RBM24: variants seen among roughly 807,000 people sequenced by gnomAD.
RBM24 encodes RNA-binding protein 24.
Under a neutral mutation model 23.6 loss-of-function variants are expected in RBM24, and 5 were observed. The ratio of observed to expected loss-of-function variants is 0.21; its 90% CI spans 0.11 to 0.45. The LOEUF (loss-of-function observed/expected upper bound fraction) is 0.45. Among genes scored for constraint, RBM24 ranks in the 20% least tolerant of loss-of-function variants. The probability of loss-of-function intolerance (pLI) is 0.99; values close to 1 mark genes in which losing one functional copy is unlikely to be tolerated. For missense variants in RBM24, 252 were observed against 314.6 expected (o/e 0.80, Z 1.51); for synonymous variants, 151 against 129.5 (o/e 1.17, Z -1.13).
At chr6:17,288,787 A>C in intron 3 of RBM24, 1 of 985,218 alleles carries the variant, frequency 1.0e-6, no homozygotes, top group Non-Finnish European at 1.2e-6. Flanking sequence ...AGGTGGAAGG[A>C]AATACTAGAA....
chr6:17,288,672 A>G, intron 3 of RBM24: 1 of 981,430 alleles, frequency 1.0e-6, no homozygotes, highest in Non-Finnish European at 1.2e-6. Flanking sequence ...TGTGAGGATT[A>G]GCATCTGGGT....
chr6:17,289,723 T>C, intron 3 of RBM24: 2 of 1,048,902 alleles, frequency 1.9e-6, no homozygotes, highest in Non-Finnish European at 2.3e-6. Flanking sequence ...TGTTTTACTT[T>C]GGCCTTATAA....
rs1022886706 is a variant in RBM24, at chr6:17,289,625, A to T, written c.348-2131A>T. The T allele has an allele frequency of 7.1e-6, 7 of 985,230 alleles. No individual in the cohort carries two copies. In the African/African-American group the frequency reaches 1.0e-4, roughly 15 times the overall value. The allele number at this position is 985,230 out of a possible 1,614,324, so 61.0% of individuals were successfully genotyped here. ...TCAGAGATACCAACCTAGCACCCAC[A>T]GTGTTGTTCTTGGAACTTTGAGAGT... On this transcript the variant is annotated intron_variant, in intron 3 of 3. Coordinates refer to ENST00000379052, the MANE Select transcript of RBM24 (RefSeq NM_001143942.2).
chr6:17,282,861 C>T lies in RBM24; in HGVS notation c.225C>T (p.Ile75=). ...GGGCCTGCAAGGATCCCAATCCCAT[C>T]ATTGATGGCAGAAAGGCCAACGTGA... ...AERACKDPNP[I]IDGRKANVNL... is the part of the protein sequence containing the mutation. Residue 75 remains isoleucine (I), a synonymous_variant, in exon 2 of 4, where the codon ATC becomes ATT. Coordinates refer to ENST00000379052, the MANE Select transcript of RBM24 (RefSeq NM_001143942.2). The T allele has an allele frequency of 6.2e-7, 1 of 1,614,134 alleles. No individual in the cohort carries two copies. Among genetic ancestry groups the T allele is most frequent in the South Asian group, 1.1e-5 (1 of 91,076 alleles).
At chr6:17,290,788 G>C (rs1239264024) in intron 3 of RBM24, 1 of 1,089,920 alleles carries the variant, frequency 9.2e-7, no homozygotes. Flanking sequence ...GTACTTCCCT[G>C]TCCTGCCTTT....
At chr6:17,288,322 T>G (rs998531609) in intron 3 of RBM24, 16 of 985,260 alleles carry the variant, frequency 1.6e-5, no homozygotes, top group Middle Eastern at 5.2e-4. Context: ...GAGACGAACA[T>G]CAGGACAATG....
Position 17,291,970 on chromosome 6 carries a change from G to T in RBM24, c.562G>T (p.Val188Phe). ...YAASPAAAGYVTAGGYGYAVQ... is the reference protein window; with the variant it reads ...YAASPAAAGYFTAGGYGYAVQ... ...AGCCTCTCCAGCTGCTGCAGGATATGTTACTGCTGGGGGCTATGGCTACGC... is the reference window on the plus strand; with the variant it reads ...AGCCTCTCCAGCTGCTGCAGGATATTTTACTGCTGGGGGCTATGGCTACGC... Residue 188 changes from valine (V) to phenylalanine (F), a missense_variant, in exon 4 of 4, where the codon GTT becomes TTT. By Grantham distance (50) the Val-to-Phe change is conservative. Coordinates refer to ENST00000379052, the MANE Select transcript of RBM24 (RefSeq NM_001143942.2). 6.2e-7 allele frequency: 1 copy of T among 1,611,118 alleles called. No individual in the cohort carries two copies.
Position 17,281,947 on chromosome 6 carries a change from C to A in RBM24, c.168+198C>A. 2 of 1,356,340 alleles carry A rather than the reference C, an allele frequency of 1.5e-6. No homozygotes were observed. Among genetic ancestry groups the A allele is most frequent in the Non-Finnish European group, 1.9e-6 (2 of 1,028,290 alleles). The allele number at this position is 1,356,340 out of a possible 1,614,324, so 84.0% of individuals were successfully genotyped here. On this transcript the variant is annotated intron_variant, in intron 1 of 3. Transcript: ENST00000379052. The surrounding 1 kb of genome is among the most constrained non-coding windows in gnomAD (Gnocchi z 7.1). ...CCAGCCTCGCGGGGTTCGGAGAAGA[C>A]CCAGCGCTGTGCGAGGTCGGGGGCC... is the stretch of plus-strand genomic sequence containing the variant.
intron 3 of RBM24, chr6:17,288,697 A>G (rs1760267916): frequency 1.0e-5 from 10 of 976,556 alleles, no homozygotes; most frequent in Non-Finnish European, 1.2e-5. Flanking sequence ...GATGAATGAC[A>G]TGAATAAAGG....
Position 17,292,959 on chromosome 6 carries a change from C to T in RBM24, c.*840C>T, listed in dbSNP as rs1432308297. The T allele has an allele frequency of 6.6e-6, 1 of 152,242 alleles. No individual in the cohort carries two copies. Among genetic ancestry groups the T allele is most frequent in the Admixed American group, 6.5e-5 (1 of 15,284 alleles). 9.4% of individuals were successfully genotyped at this position (152,242 alleles called of 1,614,324 possible). On this transcript the variant is annotated 3_prime_UTR_variant, in exon 4 of 4. Transcript: ENST00000379052. ...ATTCTGAAATAGGATCAGGCTTTTA[C>T]TACAACAGCCTTCTCTTTCTATTTA...
chr6:17,289,556 TTTC>T (rs1400413659), intron 3 of RBM24: 1 of 985,328 alleles, frequency 1.0e-6, no homozygotes, highest in Non-Finnish European at 1.2e-6. Context: ...TTCACAACAC[TTTC>T]TCCTTTTTGT....
chr6:17,289,900 C>G (rs1760303454), intron 3 of RBM24: 1 of 1,262,038 alleles, frequency 7.9e-7, no homozygotes, highest in African/African-American at 1.5e-5. Flanking sequence ...TTTCATAAAG[C>G]CACACCTGTT....
At chr6:17,282,460 C>T in intron 1 of RBM24, 1 of 415,944 alleles carries the variant, frequency 2.4e-6, no homozygotes, top group Non-Finnish European at 4.6e-6. Flanking sequence ...ACCTGGGGGG[C>T]GGGGGATTCG....
rs1488831688 is a variant in RBM24, at chr6:17,289,453, GTT to G, written c.348-2301_348-2300del. 4.1e-6 allele frequency: 4 copies of G among 985,278 alleles called. No homozygotes were observed. In the Admixed American group the frequency reaches 2.5e-4, roughly 61 times the overall value. The allele number at this position is 985,278 out of a possible 1,614,324, so 61.0% of individuals were successfully genotyped here. A position where few individuals can be genotyped will look rare whatever the true frequency, so the allele number is the denominator to read the frequency against. ...AGTGAACTTTCTTTATATTCTCATT[GTT>G]TGACATTGTGAAATCAAAACTATTT... On this transcript the variant is annotated intron_variant, in intron 3 of 3. Coordinates refer to ENST00000379052, the MANE Select transcript of RBM24 (RefSeq NM_001143942.2).
At chr6:17,288,399 T>A (rs1478686827) in intron 3 of RBM24, 10 of 974,024 alleles carry the variant, frequency 1.0e-5, no homozygotes, top group South Asian at 9.5e-5. Context: ...TGGTGGAGGG[T>A]AGGGAACTCT....
chr6:17,291,130 TC>T (rs1217793069), intron 3 of RBM24, among the ~76,000 whole-genome samples: 1 of 152,226 alleles, frequency 6.6e-6, no homozygotes, highest in East Asian at 1.9e-4. Context: ...TCTTATTTTG[TC>T]GCCTGCTTCC....
In RBM24 at chr6:17,293,409, T is replaced by C. The variant is rs540597498; in HGVS notation, c.*1290T>C. On this transcript the variant is annotated 3_prime_UTR_variant, in exon 4 of 4. Transcript: ENST00000379052. ...TATTTAAATTCATATGTGCACTGTA[T>C]AAGAGAGTACTCTTACATTAACACA... is the stretch of plus-strand genomic sequence containing the variant. 5.9e-5 allele frequency: 9 copies of C among 152,646 alleles called. No homozygotes were observed. The highest frequency in any genetic ancestry group is 1.2e-4 in the Non-Finnish European group (8 of 68,026). 9.5% of individuals were successfully genotyped at this position (152,646 alleles called of 1,614,324 possible). A position where few individuals can be genotyped will look rare whatever the true frequency, so the allele number is the denominator to read the frequency against.
chr6:17,283,916 A>T (rs1000532626), intron 2 of RBM24, among the ~76,000 whole-genome samples: 4 of 152,212 alleles, frequency 2.6e-5, no homozygotes, highest in Non-Finnish European at 5.9e-5. Context: ...CTCTTGGATT[A>T]TTTACAACAC....
At chr6:17,287,706 G>A (rs1760237239) in intron 3 of RBM24, among the ~76,000 whole-genome samples, 1 of 152,100 alleles carries the variant, frequency 6.6e-6, no homozygotes, top group African/African-American at 2.4e-5. Context: ...CTACTCGGGA[G>A]GCTGAGGCAG....
Sources: gnomAD v4.1 joint callset for allele counts (sites outside exome capture counted in the v4.1 genomes callset) on GRCh38, gnomAD v4.1.1 for gene constraint, Gnocchi (gnomAD v3.1) non-coding constraint, MANE v1.5 for transcripts, NCBI Gene and HGNC (gene_info 2026-07-23, HGNC 2026-07-21) for gene names.